Variants in ZNF284 observed in about 807,000 individuals in gnomAD.
ZNF284 encodes the protein zinc finger protein 284.
ZNF284 carries 12 observed loss-of-function variants against 12.9 expected under a neutral mutation model. The ratio of observed to expected loss-of-function variants is 0.93; its 90% CI spans 0.60 to 1.51. The LOEUF (loss-of-function observed/expected upper bound fraction) is 1.51. ZNF284 is among the 40% of genes most tolerant of loss of function. The pLI is 0.00. For synonymous variants in ZNF284, 225 were observed against 236.5 expected, an observed-to-expected ratio of 0.95 and a Z score of 0.45; for missense variants, 667 against 707.3, an observed-to-expected ratio of 0.94 and a Z score of 0.65.
At chr19:44,084,378 G>A (rs190811095) in intron 4 of ZNF284, among the ~76,000 whole-genome samples, 2 of 152,336 alleles carry the variant, frequency 1.3e-5, no homozygotes, top group Admixed American at 1.3e-4. Context: ...CCTGTGCACG[G>A]GCACAGGTTG....
chr19:44,074,054 T>G (rs62115487), intron 1 of ZNF284, among the ~76,000 whole-genome samples: 1 of 151,670 alleles, frequency 6.6e-6, no homozygotes. Context: ...TTTTTTTTGG[T>G]AAATGTTTCC....
intron 4 of ZNF284, among the ~76,000 whole-genome samples, chr19:44,083,483 AGAGAGAGAGAGAGAGAGAGGG>A (rs1967165548): frequency 3.1e-5 from 3 of 97,168 alleles, no homozygotes; most frequent in Admixed American, 9.2e-5. Flanking sequence ...ATAGAGAGAG[AGAGAGAGAGAGAGAGAGAGGG>A]AATGGAATAC....
At chr19:44,079,737 C>T (rs1204137993) in intron 2 of ZNF284, among the ~76,000 whole-genome samples, 2 of 150,180 alleles carry the variant, frequency 1.3e-5, no homozygotes, top group African/African-American at 4.9e-5. Flanking sequence ...AAACAAAAAA[C>T]AGCAAAAAAA....
intron 3 of ZNF284, 70 bp downstream of exon 3, chr19:44,081,211 G>A (rs1967118820): frequency 1.3e-6 from 2 of 1,519,294 alleles, no homozygotes; most frequent in Admixed American, 4.0e-5. Context: ...GGGTGTTTGT[G>A]TTAGTTTGTT....
chr19:44,086,455 A>G lies in ZNF284; in HGVS notation c.977A>G (p.Gln326Arg). 2 of 1,614,202 alleles carry G rather than the reference A, an allele frequency of 1.2e-6. No homozygotes were observed. The highest frequency in any genetic ancestry group is 8.5e-7 in the Non-Finnish European group (1 of 1,180,034). Residue 326 changes from glutamine (Q) to arginine (R), a missense_variant, in exon 5 of 5, where the codon CAG (glutamine) becomes CGG (arginine). Coordinates refer to ENST00000421176, the MANE Select transcript of ZNF284 (RefSeq NM_001037813.4). Reference protein sequence around the residue: ...RCDTCSNSFGQRSALNSHCMD... With the variant: ...RCDTCSNSFGRRSALNSHCMD... ...GATACCTGTAGTAATAGCTTTGGTC[A>G]GAGATCAGCACTTAATAGTCATTGC...
chr19:44,085,217 A>G (rs1300040949), intron 4 of ZNF284: 1 of 153,406 alleles, frequency 6.5e-6, no homozygotes, highest in African/African-American at 2.4e-5. Context: ...GTAATAAAAT[A>G]TATAGAACAC....
chr19:44,084,273 A>G (rs574154170), intron 4 of ZNF284, among the ~76,000 whole-genome samples: 1 of 152,282 alleles, frequency 6.6e-6, no homozygotes, highest in African/African-American at 2.4e-5. Flanking sequence ...TTGTGCACAC[A>G]TGTGCCTGAG....
chr19:44,077,088 G>A (rs1967041772), intron 2 of ZNF284, among the ~76,000 whole-genome samples: 1 of 152,154 alleles, frequency 6.6e-6, no homozygotes, highest in South Asian at 2.1e-4. Context: ...CCAAAGTGCT[G>A]GGATTACAGG....
chr19:44,074,910 G>A (rs961708825), intron 1 of ZNF284, among the ~76,000 whole-genome samples: 2 of 152,166 alleles, frequency 1.3e-5, no homozygotes, highest in Non-Finnish European at 2.9e-5. Context: ...TGACGCATAA[G>A]AATCATTTGA....
chr19:44,086,353 G>T lies in ZNF284; in HGVS notation c.875G>T (p.Cys292Phe), dbSNP rs1370242409. Residue 292 changes from cysteine to phenylalanine, a missense_variant, in exon 5 of 5, where the codon TGT (cysteine) becomes TTT (phenylalanine). By Grantham distance (205) the Cys-to-Phe change is radical. Transcript: ENST00000421176. ...TGEKPFKCYI[C>F]GKSFHSRSNL... is the part of the protein sequence containing the mutation. ...GAGAAGCCATTCAAATGTTATATAT[G>T]TGGTAAGAGCTTCCATAGTAGATCA... 6.2e-7 allele frequency: 1 copy of T among 1,614,164 alleles called. No individual in the cohort carries two copies. Among genetic ancestry groups the T allele is most frequent in the South Asian group, 1.1e-5 (1 of 91,076 alleles).
At position 44,086,734 on chromosome 19, in the gene ZNF284, G is replaced by A. The variant is rs1384249566; in HGVS notation, c.1256G>A (p.Arg419Lys). 1 of 1,613,938 alleles carries A rather than the reference G, an allele frequency of 6.2e-7. No individual in the cohort carries two copies. Among genetic ancestry groups the A allele is most frequent in the African/African-American group, 1.3e-5 (1 of 74,900 alleles). ...YMNSQGHSHQ[R>K]AYREEELYKC... Reference sequence around the variant, plus strand: ...AATTCACAGGGCCATTCACATCAGAGAGCCTATAGAGAAGAAGAACTGTAT... The same window carrying A: ...AATTCACAGGGCCATTCACATCAGAAAGCCTATAGAGAAGAAGAACTGTAT... Residue 419 changes from arginine to lysine, a missense_variant, in exon 5 of 5, where the codon AGA (arginine) becomes AAA (lysine). Coordinates refer to ENST00000421176, the MANE Select transcript of ZNF284 (RefSeq NM_001037813.4).
chr19:44,086,261 T>C lies in ZNF284; in HGVS notation c.783T>C (p.Cys261=). 6.2e-7 allele frequency: 1 copy of C among 1,614,178 alleles called. No homozygotes were observed. The change falls in exon 5 of 5, where the codon TGT becomes TGC. Residue 261 remains cysteine, a synonymous_variant. Transcript: ENST00000421176. ...KLHTGEKPHI[C]EECGKAFIHN... ...ACACAGGAGAAAAACCTCATATTTGTGAGGAATGTGGGAAGGCCTTCATTC... is the reference window on the plus strand; with the variant it reads ...ACACAGGAGAAAAACCTCATATTTGCGAGGAATGTGGGAAGGCCTTCATTC...
intron 2 of ZNF284, among the ~76,000 whole-genome samples, chr19:44,080,643 C>G (rs1470006485): frequency 6.6e-6 from 1 of 152,080 alleles, no homozygotes; most frequent in Non-Finnish European, 1.5e-5. Flanking sequence ...TACGAGAACC[C>G]TGGGCATTGT....
At chr19:44,083,474 T>TATATATATATAGAGAGAGAGAG (rs746837013) in intron 4 of ZNF284, among the ~76,000 whole-genome samples, 2 of 64,924 alleles carry the variant, frequency 3.1e-5, no homozygotes, top group African/African-American at 5.0e-5. Flanking sequence ...TATATATATA[T>TATATATATATAGAGAGAGAGAG]AGAGAGAGAG....
rs1233480271 is a variant in ZNF284, at chr19:44,088,569, A to G, written c.*1309A>G. 5 of 152,172 alleles carry G rather than the reference A, an allele frequency of 3.3e-5. No homozygotes were observed. The allele number at this position is 152,172 out of a possible 1,614,324, so 9.4% of individuals were successfully genotyped here. A position where few individuals can be genotyped will look rare whatever the true frequency, so the allele number is the denominator to read the frequency against. ...AGTAGTGGGATTGCTGGATCACTTGAATGCTGATATGCATAAGAGGATCTA... is the reference window on the plus strand; with the variant it reads ...AGTAGTGGGATTGCTGGATCACTTGGATGCTGATATGCATAAGAGGATCTA... On this transcript the variant is annotated 3_prime_UTR_variant, in exon 5 of 5. Transcript: ENST00000421176.
chr19:44,085,903 T>A lies in ZNF284; in HGVS notation c.425T>A (p.Ile142Lys), dbSNP rs369564244. The change falls in exon 5 of 5, where the codon ATA becomes AAA. Residue 142 changes from isoleucine to lysine, a missense_variant. Physicochemically the swap from Ile to Lys is moderately radical, Grantham distance 102 (BLOSUM62 -3). Transcript: ENST00000421176. ...GACGCAGGACTATCTATAATTCACA[T>A]AGGAGAGACACCTTCTGAGCATGGG... ...QVDAGLSIIH[I>K]GETPSEHGKC... 6.2e-7 allele frequency: 1 copy of A among 1,614,200 alleles called. No homozygotes were observed. The highest frequency in any genetic ancestry group is 1.1e-5 in the South Asian group (1 of 91,092).
chr19:44,088,508 C>T lies in ZNF284; in HGVS notation c.*1248C>T, dbSNP rs774038912. On this transcript the variant is annotated 3_prime_UTR_variant, in exon 5 of 5. Coordinates refer to ENST00000421176, the MANE Select transcript of ZNF284 (RefSeq NM_001037813.4). ...AAATATAGGAGTGCAGATAGGAGTT[C>T]AACACACTGATTTCCTTTCCTTTGG... 1.2e-4 allele frequency: 18 copies of T among 152,078 alleles called. No individual in the cohort carries two copies. The highest frequency in any genetic ancestry group is 2.4e-4 in the Non-Finnish European group (16 of 68,028). The allele number at this position is 152,078 out of a possible 1,614,324, so 9.4% of individuals were successfully genotyped here.
rs996162200 is a variant in ZNF284, at chr19:44,072,260, A to G, written c.-100A>G. 11 of 152,262 alleles carry G rather than the reference A, an allele frequency of 7.2e-5. No homozygotes were observed. Among genetic ancestry groups the G allele is most frequent in the Admixed American group, 3.9e-4 (6 of 15,286 alleles). The allele number at this position is 152,262 out of a possible 1,614,324, so 9.4% of individuals were successfully genotyped here. The stretch of plus-strand genomic sequence containing the variant: ...GCTCGCAACCACCTGGAAGTTGACT[A>G]AGGGGAGAAGGAGTCTCGTTGGAAA... On this transcript the variant is annotated 5_prime_UTR_variant, in exon 1 of 5. It removes the in-frame stop codon of an upstream open reading frame in the 5' UTR. Transcript: ENST00000421176.
Position 44,086,722 on chromosome 19 carries a change from A to T in ZNF284, c.1244A>T (p.His415Leu). The T allele has an allele frequency of 6.2e-7, 1 of 1,614,138 alleles. No homozygotes were observed. The highest frequency in any genetic ancestry group is 8.5e-7 in the Non-Finnish European group (1 of 1,179,990). Residue 415 changes from histidine (H) to leucine (L), a missense_variant, in exon 5 of 5, where the codon CAT becomes CTT. Transcript: ENST00000421176. ...AGATTTTATATGAATTCACAGGGCC[A>T]TTCACATCAGAGAGCCTATAGAGAA... ...GKRFYMNSQGHSHQRAYREEE... is the reference protein window; with the variant it reads ...GKRFYMNSQGLSHQRAYREEE...
Sources: allele counts gnomAD v4.1 joint callset (sites outside exome capture counted in the v4.1 genomes callset), GRCh38; gene constraint gnomAD v4.1.1; transcripts MANE v1.5; gene names NCBI Gene and HGNC (gene_info 2026-07-23, HGNC 2026-07-21).